Variants in ZNF804A observed in about 807,000 individuals in gnomAD.
ZNF804A encodes zinc finger protein 804A.
Under a neutral mutation model 16.5 loss-of-function variants are expected in ZNF804A, and 2 were observed. The observed-to-expected ratio is 0.12, with a 90% CI of 0.05 to 0.38. The LOEUF (loss-of-function observed/expected upper bound fraction) is 0.38, where lower values mean the gene tolerates loss of function less well. ZNF804A is among the 10% of genes least tolerant of loss of function. The pLI is 0.99. For synonymous variants in ZNF804A, 534 were observed against 489.6 expected (o/e 1.09, Z -1.20); for missense variants, 1,473 against 1,390.7 (o/e 1.06, Z -0.94).
Position 184,936,620 on chromosome 2 carries a change from C to T in ZNF804A, c.1224C>T (p.Asn408=). The part of the protein sequence containing the change: ...TLAPSNTEEV[N]ITIHKKTNFC... ...CCCCTTCAAATACTGAAGAGGTTAA[C>T]ATAACTATACATAAGAAAACAAATT... The change falls in exon 4 of 4, where the codon AAC becomes AAT. Residue 408 remains asparagine, a synonymous_variant. Transcript: ENST00000302277. 6.2e-7 allele frequency: 1 copy of T among 1,613,986 alleles called. No individual in the cohort carries two copies. The highest frequency in any genetic ancestry group is 8.5e-7 in the Non-Finnish European group (1 of 1,179,946).
intron 1 of ZNF804A, among the ~76,000 whole-genome samples, chr2:184,700,441 A>T (rs904184385): frequency 1.3e-5 from 2 of 152,072 alleles, no homozygotes; most frequent in African/African-American, 4.8e-5. Context: ...GTCATAACCA[A>T]ATACTAAGAA....
intron 1 of ZNF804A, among the ~76,000 whole-genome samples, chr2:184,639,781 T>C (rs1691762640): frequency 6.6e-6 from 1 of 152,012 alleles, no homozygotes; most frequent in African/African-American, 2.4e-5. Context: ...GGCAGGCGGA[T>C]CACGAGGTCA....
chr2:184,782,367 A>T (rs1370471203), intron 1 of ZNF804A, among the ~76,000 whole-genome samples: 1 of 151,412 alleles, frequency 6.6e-6, no homozygotes, highest in East Asian at 2.0e-4. Context: ...GGAAAGGCAG[A>T]CCCACCCTTA....
intron 1 of ZNF804A, among the ~76,000 whole-genome samples, chr2:184,807,462 A>G (rs1223997732): frequency 2.6e-5 from 4 of 151,848 alleles, no homozygotes; most frequent in Admixed American, 2.6e-4. Flanking sequence ...CTATAAAAAT[A>G]CAATGAAAAA....
chr2:184,828,298 T>C (rs556106523), intron 1 of ZNF804A, among the ~76,000 whole-genome samples: 31 of 152,000 alleles, frequency 2.0e-4, no homozygotes, highest in Middle Eastern at 3.4e-3. Context: ...CAAATAGTTT[T>C]ATTTTGTTAA....
chr2:184,842,602 A>T (rs781337496), intron 1 of ZNF804A, among the ~76,000 whole-genome samples: 28 of 152,004 alleles, frequency 1.8e-4, no homozygotes, highest in Non-Finnish European at 3.4e-4. Context: ...TCTTTTTAAA[A>T]TCTGTATTTG....
intron 1 of ZNF804A, among the ~76,000 whole-genome samples, chr2:184,717,214 T>C (rs184292036): frequency 3.9e-5 from 6 of 152,328 alleles, no homozygotes; most frequent in African/African-American, 1.4e-4. Context: ...CTCTCTCTCA[T>C]GATCCTTCTT....
At chr2:184,633,268 T>C (rs750367440) in intron 1 of ZNF804A, among the ~76,000 whole-genome samples, 1 of 152,210 alleles carries the variant, frequency 6.6e-6, no homozygotes, top group Non-Finnish European at 1.5e-5. Flanking sequence ...TACATGTATC[T>C]ATTGCTTCAA....
rs1291965425 is a variant in ZNF804A at position 184,710,781 on chromosome 2, G to A, written c.111+111711G>A. ...TGCAGTATTTGTCCTTCTGTGATAA[G>A]CCAATTTCACTTAACATAGTCCCTC... On this transcript the variant is annotated intron_variant, in intron 1 of 3. Coordinates refer to ENST00000302277, the MANE Select transcript of ZNF804A (RefSeq NM_194250.2). 3.3e-5 allele frequency among the ~76,000 whole-genome samples: 5 copies of A among 151,670 alleles called. No homozygotes were observed. In the East Asian group the frequency reaches 7.7e-4, roughly 23 times the overall value.
intron 2 of ZNF804A, among the ~76,000 whole-genome samples, chr2:184,876,291 A>T (rs1274008633): frequency 6.6e-6 from 1 of 152,222 alleles, no homozygotes; most frequent in Non-Finnish European, 1.5e-5. Context: ...AGAAATATTC[A>T]TTTGTGGGGA....
At chr2:184,686,374 G>A (rs184898560) in intron 1 of ZNF804A, among the ~76,000 whole-genome samples, 157 of 152,272 alleles carry the variant, frequency 1.0e-3, no homozygotes, top group African/African-American at 3.5e-3. Context: ...CAGACAGACC[G>A]CTGTTGCCAT....
chr2:184,881,611 C>G (rs1201725050), intron 2 of ZNF804A, among the ~76,000 whole-genome samples: 1 of 151,920 alleles, frequency 6.6e-6, no homozygotes, highest in Admixed American at 6.6e-5. Context: ...GATTAGGGGT[C>G]TATATTCAGC....
chr2:184,708,359 A>G (rs2105735198), intron 1 of ZNF804A, among the ~76,000 whole-genome samples: 1 of 152,240 alleles, frequency 6.6e-6, no homozygotes. Flanking sequence ...AAATAAAAAG[A>G]ACAAAGCCAG....
intron 1 of ZNF804A, among the ~76,000 whole-genome samples, chr2:184,729,439 T>C (rs1443405313): frequency 2.0e-5 from 3 of 151,998 alleles, no homozygotes. Flanking sequence ...TCTTTAAATA[T>C]ATTGCATTTG....
chr2:184,791,852 C>T (rs1694549611), intron 1 of ZNF804A, among the ~76,000 whole-genome samples: 1 of 152,148 alleles, frequency 6.6e-6, no homozygotes, highest in African/African-American at 2.4e-5. Flanking sequence ...ACCCTGGCAG[C>T]CACTGATAGT....
intron 1 of ZNF804A, among the ~76,000 whole-genome samples, chr2:184,610,204 C>A (rs549018715): frequency 6.6e-6 from 1 of 152,312 alleles, no homozygotes; most frequent in Non-Finnish European, 1.5e-5. Context: ...CAGTAAGAAG[C>A]TTGTCACCAG....
At chr2:184,658,508 C>A (rs547395671) in intron 1 of ZNF804A, among the ~76,000 whole-genome samples, 1 of 152,130 alleles carries the variant, frequency 6.6e-6, no homozygotes, top group Non-Finnish European at 1.5e-5. Context: ...AACAAACAAA[C>A]AAAAACACCA....
chr2:184,841,711 A>G (rs911052167), intron 1 of ZNF804A, among the ~76,000 whole-genome samples: 5 of 152,186 alleles, frequency 3.3e-5, no homozygotes, highest in Non-Finnish European at 7.3e-5. Flanking sequence ...AATTTAATTT[A>G]CATTTTAAAA....
chr2:184,684,226 A>C (rs1226914782), intron 1 of ZNF804A, among the ~76,000 whole-genome samples: 1 of 152,222 alleles, frequency 6.6e-6, no homozygotes, highest in Non-Finnish European at 1.5e-5. Flanking sequence ...AATAATGTAC[A>C]TAAACACGGA....
Sources: gnomAD v4.1 joint callset for allele counts (sites outside exome capture counted in the v4.1 genomes callset) on GRCh38, gnomAD v4.1.1 for gene constraint, MANE v1.5 for transcripts, NCBI Gene and HGNC (gene_info 2026-07-23, HGNC 2026-07-21) for gene names.